Variants in MCUB observed in about 807,000 individuals in gnomAD.
The protein encoded by MCUB is calcium uniporter regulatory subunit MCUb, mitochondrial.
In MCUB, 46 loss-of-function variants were observed where a neutral mutation model predicts 41.4. The observed-to-expected ratio is 1.11, with a 90% CI of 0.88 to 1.42. The LOEUF (loss-of-function observed/expected upper bound fraction) is 1.42, where lower values mean the gene tolerates loss of function less well. MCUB is among the 40% of genes most tolerant of loss of function. The pLI is 0.00. For synonymous variants in MCUB, 148 were observed against 148.2 expected, an observed-to-expected ratio of 1.00 and a Z score of 0.01; for missense variants, 403 against 404.9, an observed-to-expected ratio of 1.00 and a Z score of 0.04.
chr4:109,628,135 C>G (rs1300447977), intron 1 of MCUB, among the ~76,000 whole-genome samples: 1 of 151,900 alleles, frequency 6.6e-6, no homozygotes, highest in Non-Finnish European at 1.5e-5. Context: ...AACATTTGAG[C>G]GAGTTCTGAA....
chr4:109,608,934 C>T (rs755729022), intron 1 of MCUB, among the ~76,000 whole-genome samples: 1 of 152,172 alleles, frequency 6.6e-6, no homozygotes, highest in Admixed American at 6.5e-5. Flanking sequence ...GCACCCTAAG[C>T]CTAGTAACGC....
intron 2 of MCUB, 115 bp downstream of exon 2, chr4:109,659,201 C>T (rs1729172433): frequency 1.3e-5 from 9 of 667,160 alleles, no homozygotes; most frequent in Non-Finnish European, 1.1e-5. Context: ...CCCCATCCCA[C>T]CCCACCCTGA....
chr4:109,661,785 C>T (rs1178531330), intron 3 of MCUB, among the ~76,000 whole-genome samples: 2 of 152,086 alleles, frequency 1.3e-5, no homozygotes, highest in Non-Finnish European at 2.9e-5. Flanking sequence ...GTAATCCCAG[C>T]ACTTTGGGAG....
intron 1 of MCUB, among the ~76,000 whole-genome samples, chr4:109,561,187 C>G (rs1726620333): frequency 6.6e-6 from 1 of 152,136 alleles, no homozygotes; most frequent in Non-Finnish European, 1.5e-5. Flanking sequence ...AACTCTGACC[C>G]AGATGAGGAA....
chr4:109,639,890 C>T (rs1228961727), intron 1 of MCUB, among the ~76,000 whole-genome samples: 1 of 152,106 alleles, frequency 6.6e-6, no homozygotes, highest in Non-Finnish European at 1.5e-5. Context: ...CCCAACACAG[C>T]GTTATTAGCC....
At chr4:109,570,459 G>T (rs559605337) in intron 1 of MCUB, among the ~76,000 whole-genome samples, 4 of 152,306 alleles carry the variant, frequency 2.6e-5, no homozygotes, top group Admixed American at 1.3e-4. Flanking sequence ...TCCTGTAAAG[G>T]TCCAAATAGT....
At chr4:109,625,843 T>C (rs1299741440) in intron 1 of MCUB, among the ~76,000 whole-genome samples, 3 of 152,174 alleles carry the variant, frequency 2.0e-5, no homozygotes, top group Non-Finnish European at 1.5e-5. Flanking sequence ...GCAGTTTCCA[T>C]TGAGTATACA....
At chr4:109,581,629 C>T (rs1727177761) in intron 1 of MCUB, among the ~76,000 whole-genome samples, 1 of 152,174 alleles carries the variant, frequency 6.6e-6, no homozygotes, top group Non-Finnish European at 1.5e-5. Flanking sequence ...TCGCAACCTA[C>T]TTATCTGACG....
intron 6 of MCUB, 76 bp from the exon 7 acceptor site, chr4:109,685,175 G>A: frequency 1.5e-6 from 1 of 686,838 alleles, no homozygotes; most frequent in Admixed American, 2.2e-5. Context: ...GTGTTGCTGA[G>A]TCAAGTATCT....
At chr4:109,679,035 TCCTCTCTTCCCAGATGGGGCAG>T (rs1227403641) in intron 4 of MCUB, among the ~76,000 whole-genome samples, 1 of 145,166 alleles carries the variant, frequency 6.9e-6, no homozygotes, top group African/African-American at 2.6e-5. Flanking sequence ...GCAGAGGCGC[TCCTCTCTTCCCAGATGGGGCAG>T]CCAGGCAGAG....
intron 1 of MCUB, among the ~76,000 whole-genome samples, chr4:109,651,556 T>C (rs1025414409): frequency 6.6e-6 from 1 of 152,198 alleles, no homozygotes; most frequent in African/African-American, 2.4e-5. Context: ...ATATGTAAAA[T>C]TTAAAATTTC....
intron 1 of MCUB, among the ~76,000 whole-genome samples, chr4:109,574,768 C>T (rs1726991526): frequency 6.6e-6 from 1 of 151,986 alleles, no homozygotes. Context: ...GCTGGTCAGG[C>T]CAAGGAGGGA....
intron 1 of MCUB, among the ~76,000 whole-genome samples, chr4:109,643,622 A>C (rs1254914926): frequency 3.9e-5 from 6 of 152,166 alleles, no homozygotes; most frequent in Admixed American, 1.3e-4. Flanking sequence ...CTCCTGCCTC[A>C]GCCTCCTGAG....
intron 1 of MCUB, among the ~76,000 whole-genome samples, chr4:109,628,971 C>T (rs1181245041): frequency 2.0e-5 from 3 of 151,956 alleles, no homozygotes. Context: ...TAGAAGCCAC[C>T]GAAGAGTGAA....
At chr4:109,658,865 G>A (rs973423968) in intron 1 of MCUB, 146 bp from the exon 2 acceptor site, 6 of 626,214 alleles carry the variant, frequency 9.6e-6, no homozygotes, top group Non-Finnish European at 1.7e-5. Context: ...GCTTGCCAAG[G>A]GCTCACCCTG....
chr4:109,568,704 C>T (rs769915851), intron 1 of MCUB, among the ~76,000 whole-genome samples: 97 of 152,128 alleles, frequency 6.4e-4, no homozygotes, highest in Non-Finnish European at 1.2e-4. Flanking sequence ...TTACATCATT[C>T]GACCATACAT....
chr4:109,607,038 C>T (rs552636929), intron 1 of MCUB, among the ~76,000 whole-genome samples: 3 of 152,122 alleles, frequency 2.0e-5, no homozygotes, highest in Admixed American at 6.5e-5. Flanking sequence ...TGAGCCACCA[C>T]GCCTGGTCCA....
chr4:109,630,178 T>A (rs1006067477), intron 1 of MCUB, among the ~76,000 whole-genome samples: 1 of 152,214 alleles, frequency 6.6e-6, no homozygotes, highest in African/African-American at 2.4e-5. Context: ...AAAAGAATTC[T>A]TGTTGGGTGC....
chr4:109,653,894 G>A (rs1729020210), intron 1 of MCUB, among the ~76,000 whole-genome samples: 1 of 152,116 alleles, frequency 6.6e-6, no homozygotes, highest in Non-Finnish European at 1.5e-5. Context: ...CTTTTTACAT[G>A]TACATAGACC....
Sources: gnomAD v4.1 joint callset for allele counts (sites outside exome capture counted in the v4.1 genomes callset) on GRCh38, gnomAD v4.1.1 for gene constraint, MANE v1.5 for transcripts, NCBI Gene and HGNC (gene_info 2026-07-23, HGNC 2026-07-21) for gene names.